The following FSTL5 variants were observed in gnomAD, a reference collection of about 807,000 sequenced individuals.
FSTL5 encodes follistatin like 5.
Under a neutral mutation model 89.1 loss-of-function variants are expected in FSTL5, and 62 were observed. That is an observed-to-expected ratio of 0.70 (90% confidence interval 0.57 to 0.86). The LOEUF (loss-of-function observed/expected upper bound fraction) is 0.86, where lower values mean the gene tolerates loss of function less well. Among genes scored for constraint, FSTL5 ranks in the 40% least tolerant of loss-of-function variants. The pLI, the probability that FSTL5 is intolerant of heterozygous loss-of-function variation, is 0.00. For missense variants in FSTL5, 1,057 were observed against 1,001.6 expected, an observed-to-expected ratio of 1.06 and a Z score of -0.75; for synonymous variants, 383 against 346.2, an observed-to-expected ratio of 1.11 and a Z score of -1.18.
intron 3 of FSTL5, among the ~76,000 whole-genome samples, chr4:162,002,125 C>G (rs1407462265): frequency 6.6e-6 from 1 of 152,048 alleles, no homozygotes; most frequent in Non-Finnish European, 1.5e-5. Context: ...ATGGACTCTA[C>G]TATAAACTGA....
At chr4:162,008,115 A>G (rs1443012739) in intron 3 of FSTL5, among the ~76,000 whole-genome samples, 2 of 151,900 alleles carry the variant, frequency 1.3e-5, no homozygotes, top group Non-Finnish European at 3.0e-5. Flanking sequence ...AATTGTATAT[A>G]AATGGAAAGT....
chr4:161,694,794 G>A (rs1199992760), intron 6 of FSTL5, among the ~76,000 whole-genome samples: 2 of 137,984 alleles, frequency 1.4e-5, no homozygotes, highest in African/African-American at 5.3e-5. Context: ...TGGTGTTATT[G>A]TTAATGGGTG....
intron 15 of FSTL5, among the ~76,000 whole-genome samples, chr4:161,448,233 ATCTACAAAACAT>A (rs1405776471): frequency 2.2e-4 from 33 of 152,256 alleles, no homozygotes; most frequent in Middle Eastern, 3.4e-3. Context: ...TGAGATTTTC[ATCTACAAAACAT>A]TTTTTGAAAC....
At chr4:161,959,381 A>T (rs541777722) in intron 3 of FSTL5, among the ~76,000 whole-genome samples, 6 of 152,218 alleles carry the variant, frequency 3.9e-5, no homozygotes, top group Admixed American at 6.5e-5. Flanking sequence ...TAGTACCAAA[A>T]TAAAGTCTTA....
intron 1 of FSTL5, among the ~76,000 whole-genome samples, chr4:162,151,039 A>G (rs1221397238): frequency 6.6e-6 from 1 of 152,202 alleles, no homozygotes; most frequent in African/African-American, 2.4e-5. Flanking sequence ...TTACTTTAGT[A>G]TGAAATCAGG....
intron 4 of FSTL5, among the ~76,000 whole-genome samples, chr4:161,859,659 T>A (rs535167690): frequency 6.6e-6 from 1 of 152,276 alleles, no homozygotes; most frequent in East Asian, 1.9e-4. Context: ...AAATAATGAA[T>A]AAAGAAGGCC....
intron 4 of FSTL5, among the ~76,000 whole-genome samples, chr4:161,862,367 G>T (rs561888135): frequency 6.6e-6 from 1 of 152,134 alleles, no homozygotes; most frequent in Non-Finnish European, 1.5e-5. Flanking sequence ...ACCAAAATTA[G>T]GCAGGCAAAG....
chr4:161,803,405 A>C lies in FSTL5; in HGVS notation c.410-27331T>G, dbSNP rs9993500. 1.7e-3 allele frequency among the ~76,000 whole-genome samples: 257 copies of C among 152,102 alleles called. 1 individual carries two copies. The highest frequency in any genetic ancestry group is 6.0e-3 in the African/African-American group (251 of 41,552). On this transcript the variant is annotated intron_variant, in intron 4 of 15. Coordinates refer to ENST00000306100, the MANE Select transcript of FSTL5 (RefSeq NM_020116.5). ...TAATTGTCAATTTTCAAAGTTTCCC[A>C]TTTTGAAATATTAAAAATACTCATA...
At chr4:161,595,683 G>T (rs1161000410) in intron 7 of FSTL5, among the ~76,000 whole-genome samples, 2 of 152,058 alleles carry the variant, frequency 1.3e-5, no homozygotes, top group Admixed American at 1.3e-4. Flanking sequence ...TAATCAGAAT[G>T]TACAAGGCAG....
chr4:161,719,642 G>A (rs975235329), intron 6 of FSTL5, among the ~76,000 whole-genome samples: 26 of 151,958 alleles, frequency 1.7e-4, no homozygotes, highest in African/African-American at 5.6e-4. Context: ...ATGTGTGTCC[G>A]CTTTGATCTC....
At chr4:161,803,334 A>C (rs188278779) in intron 4 of FSTL5, among the ~76,000 whole-genome samples, 136 of 152,094 alleles carry the variant, frequency 8.9e-4, no homozygotes, top group African/African-American at 3.2e-3. Context: ...TAATATCTGT[A>C]AATCTACAAA....
intron 4 of FSTL5, among the ~76,000 whole-genome samples, chr4:161,791,000 T>TGAC (rs1729451599): frequency 1.3e-5 from 2 of 152,204 alleles, no homozygotes; most frequent in South Asian, 4.1e-4. Context: ...TTGAAAGATC[T>TGAC]AGATCTAGAG....
Position 161,656,513 on chromosome 4 carries a change from A to G in FSTL5, c.728-19T>C, listed in dbSNP as rs1184572815. On this transcript the variant is annotated intron_variant, in intron 6 of 15. Coordinates refer to ENST00000306100, the MANE Select transcript of FSTL5 (RefSeq NM_020116.5). ...ATCACTTCTGTAAAGATGAAGTGTCAGTAATGTTGATGAGCATTTAGTTTT... is the reference window on the plus strand; with the variant it reads ...ATCACTTCTGTAAAGATGAAGTGTCGGTAATGTTGATGAGCATTTAGTTTT... 6 of 1,475,662 alleles carry G rather than the reference A, an allele frequency of 4.1e-6. No individual in the cohort carries two copies. The highest frequency in any genetic ancestry group is 1.4e-5 in the African/African-American group (1 of 69,634). 91.4% of individuals were successfully genotyped at this position (1,475,662 alleles called of 1,614,324 possible). A position where few individuals can be genotyped will look rare whatever the true frequency, so the allele number is the denominator to read the frequency against.
chr4:161,483,163 TG>T (rs1485468799), intron 12 of FSTL5, among the ~76,000 whole-genome samples: 17 of 152,174 alleles, frequency 1.1e-4, no homozygotes, highest in African/African-American at 4.1e-4. Context: ...ACTGACACAC[TG>T]TTTTCTAAGT....
At chr4:161,779,005 T>C (rs997908439) in intron 4 of FSTL5, among the ~76,000 whole-genome samples, 10 of 152,246 alleles carry the variant, frequency 6.6e-5, no homozygotes, top group Admixed American at 4.6e-4. Flanking sequence ...CATGTGGAAC[T>C]GGAGGCTGAA....
chr4:161,414,507 G>GACT (rs763588916), intron 15 of FSTL5, among the ~76,000 whole-genome samples: 1 of 152,160 alleles, frequency 6.6e-6, no homozygotes, highest in Non-Finnish European at 1.5e-5. Context: ...CATGTCTCTA[G>GACT]AATCTTTGGT....
chr4:161,555,029 CA>C (rs1732342361), intron 8 of FSTL5, among the ~76,000 whole-genome samples: 1 of 151,612 alleles, frequency 6.6e-6, no homozygotes, highest in African/African-American at 2.4e-5. Context: ...GTCAATATTA[CA>C]AAACTCTCTG....
chr4:161,445,502 TA>T (rs1263184608), intron 15 of FSTL5, among the ~76,000 whole-genome samples: 1 of 151,988 alleles, frequency 6.6e-6, no homozygotes, highest in Non-Finnish European at 1.5e-5. Context: ...ATGACTTTAT[TA>T]ATAAGAATAA....
chr4:161,397,843 A>C (rs1334118872), intron 15 of FSTL5, among the ~76,000 whole-genome samples: 26 of 151,948 alleles, frequency 1.7e-4, no homozygotes, highest in Non-Finnish European at 1.5e-5. Flanking sequence ...CTGAAAAGGA[A>C]ATGTAACAAA....
Sources: allele counts gnomAD v4.1 joint callset (sites outside exome capture counted in the v4.1 genomes callset), GRCh38; gene constraint gnomAD v4.1.1; transcripts MANE v1.5; gene names NCBI Gene and HGNC (gene_info 2026-07-23, HGNC 2026-07-21).